HTR1E: variants seen among roughly 807,000 people sequenced by gnomAD.
The protein encoded by HTR1E is 5-hydroxytryptamine receptor 1E, also known as 5-HT-1E.
Under a neutral mutation model 3.4 loss-of-function variants are expected in HTR1E, and 3 were observed. The ratio of observed to expected loss-of-function variants is 0.89; its 90% CI spans 0.41 to 2.31. The LOEUF (loss-of-function observed/expected upper bound fraction) is 2.31, where lower values mean the gene tolerates loss of function less well. Ranked by LOEUF, HTR1E falls within the 30% of genes most tolerant of loss-of-function variation. HTR1E has a pLI of 0.05. For synonymous variants in HTR1E, 170 were observed against 182.8 expected (o/e 0.93, Z 0.56); for missense variants, 392 against 467.0 (o/e 0.84, Z 1.48).
chr6:86,954,278 T>C (rs1767292056), intron 1 of HTR1E, among the ~76,000 whole-genome samples: 1 of 152,202 alleles, frequency 6.6e-6, no homozygotes, highest in East Asian at 1.9e-4. Context: ...TCTCATCATA[T>C]GGCCTCTTAC....
chr6:86,984,661 G>C (rs1409321941), intron 1 of HTR1E, among the ~76,000 whole-genome samples: 2 of 152,180 alleles, frequency 1.3e-5, no homozygotes, highest in Non-Finnish European at 2.9e-5. Flanking sequence ...CCCAACTCTG[G>C]AACTCCTAAT....
At chr6:86,966,932 C>A (rs1767479355) in intron 1 of HTR1E, among the ~76,000 whole-genome samples, 1 of 151,974 alleles carries the variant, frequency 6.6e-6, no homozygotes, top group Non-Finnish European at 1.5e-5. Flanking sequence ...AGATATAATT[C>A]TTCATAACCA....
chr6:86,949,578 C>G (rs1582256541), intron 1 of HTR1E, among the ~76,000 whole-genome samples: 1 of 152,206 alleles, frequency 6.6e-6, no homozygotes, highest in South Asian at 2.1e-4. Context: ...CATAATTGAA[C>G]ATTTCTATCA....
At position 86,944,010 on chromosome 6, in the gene HTR1E, C is replaced by T. The variant is rs73497536; in HGVS notation, c.-186+6187C>T. On this transcript the variant is annotated intron_variant, in intron 1 of 1. Transcript: ENST00000305344. ...GGGAAAGGTAACGCTTCCAAGCTCG[C>T]TCACGTGGCTGTTGACAAGCCTCAG... Among the ~76,000 whole-genome samples the T allele has an allele frequency of 6.5e-3, 984 of 152,268 alleles. 10 individuals are homozygous for T. The highest frequency in any genetic ancestry group is 0.022 in the African/African-American group (922 of 41,550).
intron 1 of HTR1E, among the ~76,000 whole-genome samples, chr6:86,957,792 A>G (rs1258860973): frequency 6.6e-6 from 1 of 152,246 alleles, no homozygotes. Flanking sequence ...AGGGCACAGT[A>G]AAGTAAAAAA....
rs549735161 is a variant in HTR1E, at chr6:86,938,222, G to A, written c.-186+399G>A. Among the ~76,000 whole-genome samples, 4 of 152,208 alleles carry A rather than the reference G, an allele frequency of 2.6e-5. No homozygotes were observed. The South Asian group carries it at 8.3e-4, about 32-fold the overall frequency. ...GGAGGTGGTGTGCTCCAGGGACCCC[G>A]GAAGAACTGTGTGATTTCAAAGCCA... On this transcript the variant is annotated intron_variant, in intron 1 of 1. Coordinates refer to ENST00000305344, the MANE Select transcript of HTR1E (RefSeq NM_000865.3).
chr6:86,943,385 G>A (rs761827045), intron 1 of HTR1E, among the ~76,000 whole-genome samples: 2 of 152,198 alleles, frequency 1.3e-5, no homozygotes, highest in Non-Finnish European at 2.9e-5. Context: ...CACAGTGCCA[G>A]CGTGGCAGTG....
At chr6:86,998,940 T>G (rs184812811) in intron 1 of HTR1E, among the ~76,000 whole-genome samples, 114 of 151,416 alleles carry the variant, frequency 7.5e-4, no homozygotes, top group African/African-American at 2.6e-3. Context: ...TTTGGGGGGG[T>G]TGTTTTTTTG....
intron 1 of HTR1E, among the ~76,000 whole-genome samples, chr6:86,968,197 G>A (rs1472100184): frequency 6.6e-6 from 1 of 151,896 alleles, no homozygotes; most frequent in East Asian, 1.9e-4. Context: ...TTATTTAACT[G>A]GTCTGTTATT....
At chr6:86,966,677 G>T (rs557981445) in intron 1 of HTR1E, among the ~76,000 whole-genome samples, 20 of 152,280 alleles carry the variant, frequency 1.3e-4, no homozygotes, top group Non-Finnish European at 1.5e-4. Flanking sequence ...ACATGTGTTT[G>T]TTGGGGACTG....
intron 1 of HTR1E, among the ~76,000 whole-genome samples, chr6:86,996,388 T>C (rs558854716): frequency 4.0e-4 from 61 of 152,282 alleles, no homozygotes; most frequent in African/African-American, 1.4e-3. Flanking sequence ...GAGAAATCTT[T>C]AAATACTTTA....
intron 1 of HTR1E, among the ~76,000 whole-genome samples, chr6:86,961,884 T>G (rs953611061): frequency 6.6e-6 from 1 of 152,252 alleles, no homozygotes. Flanking sequence ...ATTCAGCTCC[T>G]TTGCAGAACT....
intron 1 of HTR1E, among the ~76,000 whole-genome samples, chr6:86,955,406 T>A (rs938806313): frequency 2.6e-5 from 4 of 152,318 alleles, no homozygotes; most frequent in African/African-American, 7.2e-5. Context: ...TCACAGATAC[T>A]TGATAGTGAG....
At chr6:86,969,925 G>T (rs556527121) in intron 1 of HTR1E, among the ~76,000 whole-genome samples, 12 of 152,196 alleles carry the variant, frequency 7.9e-5, no homozygotes, top group Non-Finnish European at 1.0e-4. Context: ...AACAACGGGG[G>T]TCTACAGAGT....
At chr6:86,947,179 T>C (rs906266051) in intron 1 of HTR1E, among the ~76,000 whole-genome samples, 8 of 152,204 alleles carry the variant, frequency 5.3e-5, no homozygotes, top group Non-Finnish European at 1.0e-4. Flanking sequence ...GCTTATGTGA[T>C]CTTGTGATAT....
chr6:87,012,567 AAAAG>A (rs1288411017), intron 1 of HTR1E, among the ~76,000 whole-genome samples: 6 of 152,208 alleles, frequency 3.9e-5, no homozygotes, highest in Non-Finnish European at 8.8e-5. Flanking sequence ...GGAAAGAAAA[AAAAG>A]AAAGAACAAA....
At chr6:86,959,537 C>A (rs1262024509) in intron 1 of HTR1E, among the ~76,000 whole-genome samples, 1 of 152,126 alleles carries the variant, frequency 6.6e-6, no homozygotes, top group Non-Finnish European at 1.5e-5. Context: ...GAGTGGAGAT[C>A]CTGCCACTGC....
Position 87,016,561 on chromosome 6 carries a change from C to CTTGTTTGT in HTR1E, c.*140_*147dup. 2.7e-6 allele frequency: 2 copies of CTTGTTTGT among 750,984 alleles called. No individual in the cohort carries two copies. Among genetic ancestry groups the CTTGTTTGT allele is most frequent in the Non-Finnish European group, 4.1e-6 (2 of 483,080 alleles). The allele number at this position is 750,984 out of a possible 1,614,324, so 46.5% of individuals were successfully genotyped here. ...TTGTAAGTATGTGTGGTCTTGTTTC[C>CTTGTTTGT]TTGTTTGTTTGTTTGTTTTGTTCTG... On this transcript the variant is annotated 3_prime_UTR_variant, in exon 2 of 2. Transcript: ENST00000305344.
intron 1 of HTR1E, among the ~76,000 whole-genome samples, chr6:87,005,779 A>G (rs1245925278): frequency 6.6e-6 from 1 of 152,230 alleles, no homozygotes; most frequent in Non-Finnish European, 1.5e-5. Context: ...AAAGGAAACA[A>G]TCAACAAAGT....
Sources: allele counts gnomAD v4.1 joint callset (sites outside exome capture counted in the v4.1 genomes callset), GRCh38; gene constraint gnomAD v4.1.1; transcripts MANE v1.5; gene names NCBI Gene and HGNC (gene_info 2026-07-23, HGNC 2026-07-21).